NUP210L: variants seen among roughly 807,000 people sequenced by gnomAD.
NUP210L encodes the protein nuclear pore membrane glycoprotein 210-like.
In NUP210L, 74 loss-of-function variants were observed where a neutral mutation model predicts 208.5. That is an observed-to-expected ratio of 0.35 (90% CI 0.29 to 0.43). The LOEUF (loss-of-function observed/expected upper bound fraction) is 0.43. NUP210L is among the 20% of genes least tolerant of loss of function. The pLI is 1.00. For missense variants in NUP210L, 1,843 were observed against 2,289.4 expected (o/e 0.81, Z 3.98); for synonymous variants, 780 against 816.9 (o/e 0.95, Z 0.77).
At chr1:154,070,429 G>A in exon 17 of NUP210L, 10 of 1,604,828 alleles carry the variant, frequency 6.2e-6, no homozygotes, top group Non-Finnish European at 8.5e-6. Flanking sequence ...AACACTGCTA[G>A]TTCCAGGACT....
chr1:154,092,376 G>T (rs563089372), intron 15 of NUP210L, among the ~76,000 whole-genome samples: 1 of 146,166 alleles, frequency 6.8e-6, no homozygotes, highest in South Asian at 2.2e-4. Context: ...ACCGCGCCCG[G>T]CCTTTTTTTT....
At position 154,100,161 on chromosome 1, in the gene NUP210L, T is replaced by C. The variant is rs1656386092; in HGVS notation, c.1820-18A>G. On this transcript the variant is annotated intron_variant, in intron 13 of 39. Coordinates refer to ENST00000368559, the Ensembl canonical transcript of NUP210L. ...TTGAATACCTGTGAATCAAAAACCA[T>C]GATTTTGGCAGGGCGTGGTGGCTCA... is the stretch of plus-strand genomic sequence containing the variant. 3 of 1,613,132 alleles carry C rather than the reference T, an allele frequency of 1.9e-6. No individual in the cohort carries two copies. Among genetic ancestry groups the C allele is most frequent in the East Asian group, 2.2e-5 (1 of 44,860 alleles).
intron 22 of NUP210L, among the ~76,000 whole-genome samples, chr1:154,057,543 C>A (rs527439070): frequency 6.6e-6 from 1 of 152,090 alleles, no homozygotes; most frequent in Admixed American, 6.6e-5. Flanking sequence ...GAGGGGAATA[C>A]CAGTATGTCT....
In NUP210L at chr1:154,030,060, C is replaced by G. The variant is rs914937360; in HGVS notation, c.3697-6G>C. On this transcript the variant is annotated splice_region_variant and splice_polypyrimidine_tract_variant and intron_variant, in intron 27 of 39. Coordinates refer to ENST00000368559, the Ensembl canonical transcript of NUP210L. ...ACTGGGAGCTGTAGAAAAACCTAGA[C>G]AGTGAAGGGATAGATTAAGAAATAT... 2 of 1,564,906 alleles carry G rather than the reference C, an allele frequency of 1.3e-6. No individual in the cohort carries two copies. The highest frequency in any genetic ancestry group is 2.8e-5 in the African/African-American group (2 of 72,158).
intron 17 of NUP210L, among the ~76,000 whole-genome samples, chr1:154,070,016 A>G (rs1399645901): frequency 6.6e-6 from 1 of 152,160 alleles, no homozygotes; most frequent in Non-Finnish European, 1.5e-5. Flanking sequence ...ACACTTGGAC[A>G]CAGGGCGGGG....
chr1:154,093,976 C>G (rs1656057715), intron 15 of NUP210L, among the ~76,000 whole-genome samples: 1 of 152,034 alleles, frequency 6.6e-6, no homozygotes, highest in South Asian at 2.1e-4. Flanking sequence ...CACAGTGAAA[C>G]CCTGTCTATA....
intron 27 of NUP210L, among the ~76,000 whole-genome samples, chr1:154,043,441 C>T (rs977079044): frequency 1.3e-5 from 2 of 151,256 alleles, no homozygotes; most frequent in East Asian, 2.0e-4. Flanking sequence ...CAGCCACCCG[C>T]GTAGCTGGGA....
In NUP210L at chr1:154,113,157, T is replaced by TA. The variant is rs561869829; in HGVS notation, c.1620+4567dup. 2.0e-3 allele frequency among the ~76,000 whole-genome samples: 251 copies of TA among 125,074 alleles called. 1 individual carries two copies. Among genetic ancestry groups the TA allele is most frequent in the African/African-American group, 5.8e-3 (217 of 37,666 alleles). 82.1% of individuals were successfully genotyped at this position (125,074 alleles called of 152,430 possible). Reference sequence around the variant, plus strand: ...GGGTGATGGGAGAGAAACCCTCTCTTAAAAAAAAAAATATATATATATATA... The same window carrying TA: ...GGGTGATGGGAGAGAAACCCTCTCTTAAAAAAAAAAAATATATATATATATA... On this transcript the variant is annotated intron_variant, in intron 12 of 39. Coordinates refer to ENST00000368559, the Ensembl canonical transcript of NUP210L.
At chr1:154,112,415 A>G (rs868707329) in intron 12 of NUP210L, among the ~76,000 whole-genome samples, 2 of 152,092 alleles carry the variant, frequency 1.3e-5, no homozygotes, top group African/African-American at 4.8e-5. Context: ...CTAAAAAAAC[A>G]TTGCTAAAAT....
intron 27 of NUP210L, among the ~76,000 whole-genome samples, chr1:154,037,762 G>C (rs1259081471): frequency 1.3e-5 from 2 of 151,986 alleles, no homozygotes; most frequent in Admixed American, 1.3e-4. Flanking sequence ...TCCACCTCCT[G>C]GGTTCAAGCG....
At chr1:154,027,701 T>C (rs1651975886) in intron 28 of NUP210L, 104 bp from the exon 29 acceptor site, 1 of 681,516 alleles carries the variant, frequency 1.5e-6, no homozygotes, top group Non-Finnish European at 2.5e-6. Flanking sequence ...TGCAAATAAA[T>C]GACAACTACG....
intron 8 of NUP210L, 125 bp downstream of exon 8, chr1:154,129,148 AAAGT>A: frequency 3.5e-6 from 2 of 579,696 alleles, no homozygotes; most frequent in South Asian, 5.0e-5. Flanking sequence ...AAAACATGTC[AAAGT>A]AAGGTTGAAT....
intron 37 of NUP210L, among the ~76,000 whole-genome samples, chr1:153,996,325 A>G (rs1264270554): frequency 1.3e-5 from 2 of 152,132 alleles, no homozygotes; most frequent in Non-Finnish European, 2.9e-5. Context: ...CATGCTGTTT[A>G]CCTTTCCCGT....
At chr1:154,009,744 A>T (rs1650792264) in intron 35 of NUP210L, among the ~76,000 whole-genome samples, 1 of 150,336 alleles carries the variant, frequency 6.7e-6, no homozygotes, top group African/African-American at 2.4e-5. Context: ...GTGAGCTATG[A>T]TCACACCATT....
intron 27 of NUP210L, among the ~76,000 whole-genome samples, chr1:154,032,963 GAAAA>G (rs1557928766): frequency 1.9e-5 from 2 of 107,112 alleles, no homozygotes; most frequent in Non-Finnish European, 3.9e-5. Context: ...GAAAAGAAAA[GAAAA>G]GAAAAGAAAA....
At chr1:154,133,112 C>T (rs1032801322) in intron 7 of NUP210L, among the ~76,000 whole-genome samples, 11 of 152,244 alleles carry the variant, frequency 7.2e-5, no homozygotes, top group Non-Finnish European at 1.3e-4. Context: ...TTTAGCTTCA[C>T]TGTCTTCCTT....
exon 40 of NUP210L, chr1:153,992,712 CTTTA>C (rs1291588576): frequency 4.3e-6 from 3 of 696,788 alleles, no homozygotes; most frequent in Non-Finnish European, 7.4e-6. Context: ...GCTTAGGATG[CTTTA>C]TTTATAGTTC....
chr1:154,090,019 G>A (rs545263850), intron 15 of NUP210L, among the ~76,000 whole-genome samples: 2 of 152,024 alleles, frequency 1.3e-5, no homozygotes, highest in Non-Finnish European at 2.9e-5. Flanking sequence ...CAAGGCTACA[G>A]TGAGCCATGT....
At position 154,140,900 on chromosome 1, in the gene NUP210L, A is replaced by G. The variant is rs370044716; in HGVS notation, c.566+531T>C. The stretch of plus-strand genomic sequence containing the variant: ...TCCTAGCTACTTAGGAGGCTGAGGC[A>G]GGAGAATGGCGTGAACCCGGGAGGC... On this transcript the variant is annotated intron_variant, in intron 4 of 39. Transcript: ENST00000368559. 7.3e-5 allele frequency among the ~76,000 whole-genome samples: 11 copies of G among 150,874 alleles called. No individual in the cohort carries two copies. The East Asian group carries it at 2.0e-3, about 27-fold the overall frequency.
Sources: allele counts gnomAD v4.1 joint callset (sites outside exome capture counted in the v4.1 genomes callset), GRCh38; gene constraint gnomAD v4.1.1; transcripts MANE v1.5; gene names NCBI Gene and HGNC (gene_info 2026-07-23, HGNC 2026-07-21).